RIN2: variants seen among roughly 807,000 people sequenced by gnomAD.
The protein encoded by RIN2 is Ras and Rab interactor 2, also known as RAB5 interacting protein 2.
RIN2 carries 36 observed loss-of-function variants against 78.0 expected under a neutral mutation model. The observed-to-expected ratio is 0.46, with a 90% CI of 0.35 to 0.61. RIN2 has a LOEUF of 0.61. Among genes scored for constraint, RIN2 ranks in the 20% least tolerant of loss-of-function variants. The pLI, the probability that RIN2 is intolerant of heterozygous loss-of-function variation, is 0.00. For synonymous variants in RIN2, 466 were observed against 466.8 expected (o/e 1.00, Z 0.02); for missense variants, 1,087 against 1,159.7 (o/e 0.94, Z 0.91).
chr20:19,944,249 G>A (rs1475030783), intron 4 of RIN2, among the ~76,000 whole-genome samples: 1 of 151,938 alleles, frequency 6.6e-6, no homozygotes, highest in East Asian at 1.9e-4. Flanking sequence ...TCTACATAAG[G>A]GGCCTCTGGT....
chr20:19,843,616 A>T (rs981310339), intron 2 of RIN2, among the ~76,000 whole-genome samples: 9 of 152,176 alleles, frequency 5.9e-5, no homozygotes, highest in South Asian at 2.1e-4. Flanking sequence ...GCACTGGAAA[A>T]CCAAAAACTT....
chr20:19,975,171 G>T lies in RIN2; in HGVS notation c.1146G>T (p.Pro382=). The T allele has an allele frequency of 6.2e-7, 1 of 1,611,052 alleles. No homozygotes were observed. The highest frequency in any genetic ancestry group is 8.5e-7 in the Non-Finnish European group (1 of 1,179,044). Residue 382 remains proline (P), a synonymous_variant, in exon 9 of 13, where the codon CCG becomes CCT. Transcript: ENST00000255006. This position sits in a 1 kb window ranked among gnomAD's most constrained non-coding sequence, Gnocchi z 4.9. ...GGAKTLSGGR[P]GAGPELELGT... Reference sequence around the variant, plus strand: ...CAAAGACCTTGAGCGGCGGCCGGCCGGGCGCAGGCCCGGAGCTGGAGCTGG... The same window carrying T: ...CAAAGACCTTGAGCGGCGGCCGGCCTGGCGCAGGCCCGGAGCTGGAGCTGG...
At chr20:19,890,551 C>T in intron 3 of RIN2, among the ~76,000 whole-genome samples, 1 of 151,830 alleles carries the variant, frequency 6.6e-6, no homozygotes, top group Non-Finnish European at 1.5e-5. Context: ...ATTTTATTAC[C>T]GAGGACAAGT....
At chr20:19,935,269 T>A in intron 4 of RIN2, 70 bp downstream of exon 4, 1 of 1,387,838 alleles carries the variant, frequency 7.2e-7, no homozygotes, top group Non-Finnish European at 9.9e-7. Context: ...TGCCAAGGGC[T>A]GACTTGCAGT....
At chr20:19,784,252 T>C (rs1394939705) in intron 1 of RIN2, among the ~76,000 whole-genome samples, 1 of 152,214 alleles carries the variant, frequency 6.6e-6, no homozygotes, top group Non-Finnish European at 1.5e-5. Context: ...GTTTTGGTGA[T>C]GGCTGATGAT....
intron 1 of RIN2, among the ~76,000 whole-genome samples, chr20:19,766,837 G>A (rs551855310): frequency 1.5e-3 from 233 of 151,944 alleles, no homozygotes; most frequent in Non-Finnish European, 2.9e-3. Flanking sequence ...GCTTGAACCC[G>A]GGAGGCGGAG....
chr20:19,930,768 C>T (rs1172036683), intron 3 of RIN2, among the ~76,000 whole-genome samples: 2 of 152,170 alleles, frequency 1.3e-5, no homozygotes, highest in Non-Finnish European at 2.9e-5. Context: ...TCCCCTCAAC[C>T]CCTTCCTTGC....
chr20:19,760,784 A>C (rs2033607975), intron 1 of RIN2, among the ~76,000 whole-genome samples: 1 of 152,130 alleles, frequency 6.6e-6, no homozygotes, highest in East Asian at 1.9e-4. Flanking sequence ...CTACCTAATG[A>C]ACCTTCAAGA....
chr20:19,926,308 A>G (rs2040218098), intron 3 of RIN2, among the ~76,000 whole-genome samples: 1 of 152,168 alleles, frequency 6.6e-6, no homozygotes, highest in Non-Finnish European at 1.5e-5. Flanking sequence ...ATATAAATGC[A>G]AACACCCTTG....
At position 19,975,131 on chromosome 20, in the gene RIN2, A is replaced by T; in HGVS notation, c.1106A>T (p.Glu369Val). 1 of 1,613,254 alleles carries T rather than the reference A, an allele frequency of 6.2e-7. No individual in the cohort carries two copies. ...CTGAAGAAGCAGGCTTCTTTTCTGGAAGCAGAGGGCGGTGCAAAGACCTTG... is the reference window on the plus strand; with the variant it reads ...CTGAAGAAGCAGGCTTCTTTTCTGGTAGCAGAGGGCGGTGCAAAGACCTTG... The part of the protein sequence containing the change: ...PRLKKQASFL[E>V]AEGGAKTLSG... The change falls in exon 9 of 13, where the codon GAA becomes GTA. Residue 369 changes from glutamate (E) to valine (V), a missense_variant. This residue lies in a region of RIN2 where 706 missense variants were observed against 667.5 expected (regional missense o/e 1.06). Coordinates refer to ENST00000255006, the MANE Select transcript of RIN2 (RefSeq NM_018993.4). This position sits in a 1 kb window ranked among gnomAD's most constrained non-coding sequence, Gnocchi z 4.9.
intron 3 of RIN2, among the ~76,000 whole-genome samples, chr20:19,918,517 C>T (rs938598073): frequency 2.0e-5 from 3 of 152,118 alleles, no homozygotes; most frequent in African/African-American, 4.8e-5. Context: ...TTGTCATCTA[C>T]TATGAGCCAC....
At chr20:19,938,629 A>G (rs543562592) in intron 4 of RIN2, among the ~76,000 whole-genome samples, 1 of 152,328 alleles carries the variant, frequency 6.6e-6, no homozygotes, top group East Asian at 1.9e-4. Flanking sequence ...CCTCATTAAA[A>G]TGGGAATAAT....
chr20:19,925,119 T>C (rs1008290546), intron 3 of RIN2, among the ~76,000 whole-genome samples: 1 of 147,300 alleles, frequency 6.8e-6, no homozygotes, highest in African/African-American at 2.5e-5. Context: ...AAAAAAGCTG[T>C]CCTCTGGGCA....
intron 1 of RIN2, among the ~76,000 whole-genome samples, chr20:19,788,826 T>C (rs1388160282): frequency 6.6e-6 from 1 of 152,290 alleles, no homozygotes; most frequent in Middle Eastern, 3.4e-3. Flanking sequence ...ATTTTAAAGA[T>C]GTCATTTATC....
At chr20:19,921,071 G>A (rs1600806597) in intron 3 of RIN2, among the ~76,000 whole-genome samples, 1 of 152,146 alleles carries the variant, frequency 6.6e-6, no homozygotes, top group African/African-American at 2.4e-5. Flanking sequence ...CAGGGGTGCC[G>A]CCTAAACAGG....
At chr20:19,791,414 A>G (rs1363458541) in intron 1 of RIN2, among the ~76,000 whole-genome samples, 5 of 152,188 alleles carry the variant, frequency 3.3e-5, no homozygotes, top group Non-Finnish European at 7.3e-5. Flanking sequence ...TAAGGCTTAG[A>G]TAATTTAAGG....
chr20:19,865,062 C>T (rs1371893484), intron 2 of RIN2, among the ~76,000 whole-genome samples: 1 of 152,180 alleles, frequency 6.6e-6, no homozygotes, highest in Middle Eastern at 3.2e-3. Flanking sequence ...GAGCAAGGTG[C>T]AGACAATGGT....
intron 9 of RIN2, among the ~76,000 whole-genome samples, chr20:19,982,871 G>C (rs2042503241): frequency 6.6e-6 from 1 of 152,176 alleles, no homozygotes; most frequent in Non-Finnish European, 1.5e-5. Context: ...CTCTTCTCCA[G>C]GGGGAGCAAC....
intron 3 of RIN2, among the ~76,000 whole-genome samples, chr20:19,893,817 A>C (rs1393601340): frequency 9.2e-5 from 14 of 152,184 alleles, no homozygotes; most frequent in Admixed American, 9.2e-4. Context: ...CACACCTGTA[A>C]ATTGTAGCAT....
Sources: allele counts gnomAD v4.1 joint callset (sites outside exome capture counted in the v4.1 genomes callset), GRCh38; gene constraint gnomAD v4.1.1; regional missense constraint gnomAD v4.1.1; non-coding constraint Gnocchi (gnomAD v3.1); transcripts MANE v1.5; gene names NCBI Gene and HGNC (gene_info 2026-07-23, HGNC 2026-07-21).